Variants in CRB1 observed in about 807,000 individuals in gnomAD.
The protein encoded by CRB1 is crumbs cell polarity complex component 1, also known as protein crumbs homolog 1.
Under a neutral mutation model 120.0 loss-of-function variants are expected in CRB1, and 83 were observed. The observed-to-expected ratio is 0.69, with a 90% confidence interval of 0.58 to 0.83. The LOEUF (loss-of-function observed/expected upper bound fraction) is 0.83. CRB1 is among the 40% of genes least tolerant of loss of function. The pLI is 0.00. For synonymous variants in CRB1, 625 were observed against 612.5 expected, an observed-to-expected ratio of 1.02 and a Z score of -0.30; for missense variants, 1,699 against 1,687.6, an observed-to-expected ratio of 1.01 and a Z score of -0.12.
intron 2 of CRB1, among the ~76,000 whole-genome samples, chr1:197,342,871 CA>C (rs1404697852): frequency 6.6e-6 from 1 of 151,960 alleles, no homozygotes; most frequent in Admixed American, 6.6e-5. Context: ...GATGGTCTGT[CA>C]AAAAAATTTA....
chr1:197,392,404 A>G (rs1662553081), intron 5 of CRB1, among the ~76,000 whole-genome samples: 1 of 152,106 alleles, frequency 6.6e-6, no homozygotes, highest in Non-Finnish European at 1.5e-5. Context: ...GACAGCTGGA[A>G]TAAGTCTTGT....
chr1:197,268,195 T>C, upstream of CRB1: 1 of 515,152 alleles, frequency 1.9e-6, no homozygotes. Context: ...GTTTGAAAAA[T>C]CACCCCATCC....
At position 197,274,146 on chromosome 1, in the gene CRB1, T is replaced by G. The variant is rs540806228; in HGVS notation, c.70+5664T>G. Among the ~76,000 whole-genome samples the G allele has an allele frequency of 3.3e-5, 5 of 152,220 alleles. No individual in the cohort carries two copies. The South Asian group carries it at 1.0e-3, about 32-fold the overall frequency. Reference sequence around the variant, plus strand: ...ATCATTCTAGCTGTCTCCCCTTGCTTATCTGTAAATTTCAACAGTGAGAAA... The same window carrying G: ...ATCATTCTAGCTGTCTCCCCTTGCTGATCTGTAAATTTCAACAGTGAGAAA... On this transcript the variant is annotated intron_variant, in intron 1 of 11. Transcript: ENST00000367400.
intron 5 of CRB1, among the ~76,000 whole-genome samples, chr1:197,401,121 C>G (rs1392194352): frequency 1.3e-5 from 2 of 152,166 alleles, no homozygotes; most frequent in East Asian, 3.9e-4. Context: ...TGTGTTTAAG[C>G]ATATATATAG....
chr1:197,267,494 G>C (rs1232114442), upstream of CRB1, among the ~76,000 whole-genome samples: 2 of 152,108 alleles, frequency 1.3e-5, no homozygotes, highest in Non-Finnish European at 2.9e-5. Context: ...ATCAGCTATA[G>C]AAATTGCATT....
At chr1:197,412,759 C>T (rs1032797866) in intron 5 of CRB1, among the ~76,000 whole-genome samples, 16 of 152,310 alleles carry the variant, frequency 1.1e-4, no homozygotes, top group Admixed American at 7.8e-4. Context: ...ATCATATCTC[C>T]TGCACTCACA....
intron 5 of CRB1, among the ~76,000 whole-genome samples, chr1:197,405,445 G>A (rs1197913774): frequency 6.6e-6 from 1 of 151,714 alleles, no homozygotes; most frequent in Non-Finnish European, 1.5e-5. Flanking sequence ...CCTCCCAGCC[G>A]CCTGCCTTGG....
At chr1:197,261,130 A>G in the CRB1 span, among the ~76,000 whole-genome samples, 1 of 152,350 alleles carries the variant, frequency 6.6e-6, no homozygotes, top group Middle Eastern at 3.4e-3. Flanking sequence ...TAAAATTTCA[A>G]GTTTTTTGTA....
intron 5 of CRB1, among the ~76,000 whole-genome samples, chr1:197,412,751 C>T (rs948881251): frequency 5.3e-5 from 8 of 152,336 alleles, no homozygotes; most frequent in African/African-American, 1.9e-4. Flanking sequence ...TCTTCACTAT[C>T]ATATCTCCTG....
chr1:197,314,089 C>A (rs908472619), intron 1 of CRB1, among the ~76,000 whole-genome samples: 2 of 152,194 alleles, frequency 1.3e-5, no homozygotes, highest in Admixed American at 6.5e-5. Context: ...AATATTTGGC[C>A]ATTATTAATT....
At chr1:197,358,188 T>G (rs181143329) in intron 5 of CRB1, 3 of 152,356 alleles carry the variant, frequency 2.0e-5, no homozygotes, top group Admixed American at 2.0e-4. Context: ...TATTTAAATT[T>G]CCTGTTTCTG....
intron 11 of CRB1, among the ~76,000 whole-genome samples, chr1:197,453,154 GAGATATC>G (rs1452183460): frequency 2.6e-5 from 4 of 151,580 alleles, no homozygotes; most frequent in Admixed American, 2.6e-4. Context: ...TCACTTATAT[GAGATATC>G]TAGAAGAGTC....
chr1:197,202,565 A>G, the CRB1 span, among the ~76,000 whole-genome samples: 9 of 152,242 alleles, frequency 5.9e-5, no homozygotes, highest in Non-Finnish European at 1.0e-4. Context: ...AGTGAAAGCT[A>G]TCATTATCTT....
chr1:197,277,076 C>T (rs1655249847), intron 1 of CRB1, among the ~76,000 whole-genome samples: 1 of 151,866 alleles, frequency 6.6e-6, no homozygotes, highest in African/African-American at 2.4e-5. Context: ...TTGGCAAACA[C>T]TACAAATCAG....
intron 2 of CRB1, among the ~76,000 whole-genome samples, chr1:197,343,373 G>A (rs1398406610): frequency 6.6e-6 from 1 of 151,910 alleles, no homozygotes; most frequent in African/African-American, 2.4e-5. Context: ...TACTATTTTG[G>A]CACTTAATAA....
chr1:197,401,906 C>A (rs1663086044), intron 5 of CRB1, among the ~76,000 whole-genome samples: 1 of 151,438 alleles, frequency 6.6e-6, no homozygotes, highest in Non-Finnish European at 1.5e-5. Flanking sequence ...TTTTGATATT[C>A]TTTTGGCATT....
At chr1:197,429,830 A>T (rs1664791080) in intron 8 of CRB1, among the ~76,000 whole-genome samples, 1 of 152,178 alleles carries the variant, frequency 6.6e-6, no homozygotes, top group Non-Finnish European at 1.5e-5. Flanking sequence ...GCAACACTAA[A>T]CCTAGATGCT....
At chr1:197,258,048 C>A in the CRB1 span, among the ~76,000 whole-genome samples, 1 of 152,218 alleles carries the variant, frequency 6.6e-6, no homozygotes, top group African/African-American at 2.4e-5. Context: ...TATTTAAATA[C>A]TTGATATTAT....
the CRB1 span, among the ~76,000 whole-genome samples, chr1:197,211,332 G>A: frequency 7.9e-5 from 12 of 152,206 alleles, no homozygotes; most frequent in South Asian, 2.3e-3. Flanking sequence ...CTTAATAATT[G>A]AAGAAATGTG....
Sources: allele counts gnomAD v4.1 joint callset (sites outside exome capture counted in the v4.1 genomes callset), GRCh38; gene constraint gnomAD v4.1.1; transcripts MANE v1.5; gene names NCBI Gene and HGNC (gene_info 2026-07-23, HGNC 2026-07-21).